The following LIMK2 variants were observed in gnomAD, a reference collection of about 807,000 sequenced individuals.
The protein encoded by LIMK2 is LIM domain kinase 2.
LIMK2 carries 35 observed loss-of-function variants against 75.7 expected under a neutral mutation model. The observed-to-expected ratio is 0.46, with a 90% CI of 0.35 to 0.61. The LOEUF is 0.61. Ranked by LOEUF, LIMK2 falls within the 20% of genes least tolerant of loss-of-function variation. LIMK2 has a pLI of 0.00. For missense variants in LIMK2, 623 were observed against 831.0 expected, an observed-to-expected ratio of 0.75 and a Z score of 3.08; for synonymous variants, 301 against 319.2, an observed-to-expected ratio of 0.94 and a Z score of 0.61.
rs2048354346 is a variant in LIMK2, at chr22:31,212,408, C to T, written c.-1C>T. 2 of 1,338,250 alleles carry T rather than the reference C, an allele frequency of 1.5e-6. No individual in the cohort carries two copies. Among genetic ancestry groups the T allele is most frequent in the Admixed American group, 2.9e-5 (1 of 34,532 alleles). The allele number at this position is 1,338,250 out of a possible 1,614,324, so 82.9% of individuals were successfully genotyped here. A position where few individuals can be genotyped will look rare whatever the true frequency, so the allele number is the denominator to read the frequency against. Reference sequence around the variant, plus strand: ...CTCCCCATTTCCGCGCTCCCGGGACCATGTCCGCGCTGGCGGGTAAGGAAG... The same window carrying T: ...CTCCCCATTTCCGCGCTCCCGGGACTATGTCCGCGCTGGCGGGTAAGGAAG... On this transcript the variant is annotated 5_prime_UTR_variant, in exon 1 of 16. Coordinates refer to ENST00000331728, the MANE Select transcript of LIMK2 (RefSeq NM_005569.4).
chr22:31,230,052 CTTTCT>C lies in LIMK2; in HGVS notation c.116+4237_116+4241del, dbSNP rs1221864388. ...TTTTCTTTTTTTTCTTTCTTTCTTT[CTTTCT>C]TTTTTTTTTTTTTTTTAGGCTAGTG... On this transcript the variant is annotated intron_variant, in intron 2 of 15. Coordinates refer to ENST00000331728, the MANE Select transcript of LIMK2 (RefSeq NM_005569.4). 1.5e-4 allele frequency: 19 copies of C among 123,374 alleles called. 1 individual carries two copies. In the East Asian group the frequency reaches 3.8e-3, roughly 24 times the overall value. The allele number at this position is 123,374 out of a possible 1,614,324, so 7.6% of individuals were successfully genotyped here.
At position 31,278,431 on chromosome 22, in the gene LIMK2, C is replaced by T. The variant is rs1378130835; in HGVS notation, c.1907C>T (p.Ser636Leu). Reference sequence around the variant, plus strand: ...ATGCAGTACGGCCTGACCCGGGACTCACCTCCCTAGCCCTGGCCCAGCCCC... The same window carrying T: ...ATGCAGTACGGCCTGACCCGGGACTTACCTCCCTAGCCCTGGCCCAGCCCC... The part of the protein sequence containing the change: ...VSMQYGLTRD[S>L]PP Residue 636 changes from serine (S) to leucine (L), a missense_variant, in exon 16 of 16, where the codon TCA becomes TTA. Ser to Leu is a moderately radical substitution (Grantham distance 145). Coordinates refer to ENST00000331728, the MANE Select transcript of LIMK2 (RefSeq NM_005569.4). 2 of 1,611,156 alleles carry T rather than the reference C, an allele frequency of 1.2e-6. No homozygotes were observed. The highest frequency in any genetic ancestry group is 1.1e-5 in the South Asian group (1 of 90,748).
chr22:31,239,725 G>A (rs2048608283), intron 2 of LIMK2, among the ~76,000 whole-genome samples: 1 of 152,168 alleles, frequency 6.6e-6, no homozygotes, highest in South Asian at 2.1e-4. Context: ...TCCAAGTGTG[G>A]AGCCGTATCT....
chr22:31,233,749 G>A (rs1190770473), intron 2 of LIMK2, among the ~76,000 whole-genome samples: 3 of 152,146 alleles, frequency 2.0e-5, no homozygotes, highest in Admixed American at 6.5e-5. Context: ...ATGTCATTGA[G>A]AGGCACCACC....
chr22:31,221,238 G>A (rs752924030), intron 1 of LIMK2, among the ~76,000 whole-genome samples: 1 of 152,142 alleles, frequency 6.6e-6, no homozygotes, highest in African/African-American at 2.4e-5. Flanking sequence ...TAGCCCTTTG[G>A]AGGTAGCAAA....
chr22:31,235,029 C>G (rs1487540087), intron 2 of LIMK2, among the ~76,000 whole-genome samples: 2 of 152,076 alleles, frequency 1.3e-5, no homozygotes, highest in African/African-American at 4.8e-5. Flanking sequence ...ATAGACCTTT[C>G]CTTTGAGGCT....
intron 2 of LIMK2, among the ~76,000 whole-genome samples, chr22:31,239,438 A>G (rs1451976341): frequency 2.0e-5 from 3 of 152,214 alleles, no homozygotes; most frequent in Non-Finnish European, 4.4e-5. Context: ...TCAGCGTTAT[A>G]TGAGCATACC....
chr22:31,278,699 T>G lies in LIMK2; in HGVS notation c.*258T>G. 2 of 318,396 alleles carry G rather than the reference T, an allele frequency of 6.3e-6. No individual in the cohort carries two copies. The allele number at this position is 318,396 out of a possible 1,614,324, so 19.7% of individuals were successfully genotyped here. A position where few individuals can be genotyped will look rare whatever the true frequency, so the allele number is the denominator to read the frequency against. Reference sequence around the variant, plus strand: ...AAGCTGTGAAGAAGAAAAAAACCCCTGGCCTTTGGGCCAGGAGGAATCTGT... The same window carrying G: ...AAGCTGTGAAGAAGAAAAAAACCCCGGGCCTTTGGGCCAGGAGGAATCTGT... On this transcript the variant is annotated 3_prime_UTR_variant, in exon 16 of 16. Coordinates refer to ENST00000331728, the MANE Select transcript of LIMK2 (RefSeq NM_005569.4).
At position 31,262,572 on chromosome 22, in the gene LIMK2, C is replaced by T. The variant is rs778519639; in HGVS notation, c.658-23C>T. The T allele has an allele frequency of 3.8e-6, 6 of 1,597,736 alleles. No individual in the cohort carries two copies. Among genetic ancestry groups the T allele is most frequent in the Non-Finnish European group, 5.1e-6 (6 of 1,169,592 alleles). On this transcript the variant is annotated intron_variant, in intron 6 of 15. Transcript: ENST00000331728. The surrounding 1 kb of genome is among the most constrained non-coding windows in gnomAD (Gnocchi z 5.0). Reference sequence around the variant, plus strand: ...CCTGGGATGGGGCAGCCTGTGGGAGCTTTATACTGCTCTTGGCCACAGGTG... The same window carrying T: ...CCTGGGATGGGGCAGCCTGTGGGAGTTTTATACTGCTCTTGGCCACAGGTG...
In LIMK2 at chr22:31,262,158, C is replaced by G. The variant is rs766874005; in HGVS notation, c.576C>G (p.Pro192=). 14 of 1,614,052 alleles carry G rather than the reference C, an allele frequency of 8.7e-6. No individual in the cohort carries two copies. The highest frequency in any genetic ancestry group is 1.2e-5 in the Non-Finnish European group (14 of 1,180,000). The stretch of plus-strand genomic sequence containing the variant: ...GGGTCAACCGGATGCACATCAGTCC[C>G]AACAATCGAAACGCCATCCACCCTG... The part of the protein sequence containing the change: ...VKEVNRMHIS[P]NNRNAIHPGD... The change falls in exon 6 of 16, where the codon CCC becomes CCG. Residue 192 remains proline, a synonymous_variant. Transcript: ENST00000331728. This position sits in a 1 kb window ranked among gnomAD's most constrained non-coding sequence, Gnocchi z 5.0.
At chr22:31,277,470 TGGTG>T (rs2049043140) in intron 15 of LIMK2, 2 of 1,117,810 alleles carry the variant, frequency 1.8e-6, no homozygotes, top group East Asian at 1.3e-4. Context: ...TGAAATTTTC[TGGTG>T]GGAGAATCTA....
Position 31,265,867 on chromosome 22 carries a change from C to G in LIMK2, c.855-79C>G, listed in dbSNP as rs953561102. 7 of 1,207,966 alleles carry G rather than the reference C, an allele frequency of 5.8e-6. No individual in the cohort carries two copies. In the African/African-American group the frequency reaches 1.1e-4, roughly 18 times the overall value. 74.8% of individuals were successfully genotyped at this position (1,207,966 alleles called of 1,614,324 possible). Reference sequence around the variant, plus strand: ...TAGACATTGGAATGAACAGGTGCCCCTAAGTTTCCTCCCTCCAGGGTTTCT... The same window carrying G: ...TAGACATTGGAATGAACAGGTGCCCGTAAGTTTCCTCCCTCCAGGGTTTCT... On this transcript the variant is annotated intron_variant, in intron 7 of 15. Coordinates refer to ENST00000331728, the MANE Select transcript of LIMK2 (RefSeq NM_005569.4).
rs376569162 is a variant in LIMK2, at chr22:31,262,214, C to T, written c.632C>T (p.Pro211Leu). The T allele has an allele frequency of 1.6e-5, 26 of 1,613,816 alleles. No homozygotes were observed. The highest frequency in any genetic ancestry group is 2.1e-5 in the Non-Finnish European group (25 of 1,179,780). ...CGCATCCTGGAGATCAATGGGACCC[C>T]CGTCCGCACACTTCGAGTGGAGGAG... ...GDRILEINGTPVRTLRVEEVE... is the reference protein window; with the variant it reads ...GDRILEINGTLVRTLRVEEVE... The change falls in exon 6 of 16, where the codon CCC (proline) becomes CTC (leucine). Residue 211 changes from proline (P) to leucine (L), a missense_variant. Transcript: ENST00000331728. This position sits in a 1 kb window ranked among gnomAD's most constrained non-coding sequence, Gnocchi z 5.0.
intron 3 of LIMK2, chr22:31,258,870 T>G: frequency 2.2e-6 from 1 of 459,064 alleles, no homozygotes; most frequent in Non-Finnish European, 4.0e-6. Context: ...ACTGATCTTT[T>G]TTAGTGGGGA....
At chr22:31,255,670 C>G (rs939655645) in intron 2 of LIMK2, among the ~76,000 whole-genome samples, 1 of 152,200 alleles carries the variant, frequency 6.6e-6, no homozygotes, top group Non-Finnish European at 1.5e-5. Flanking sequence ...TTCTCTTCCT[C>G]AACTCTTCAT....
intron 1 of LIMK2, chr22:31,222,749 G>A (rs889338395): frequency 1.3e-5 from 2 of 152,016 alleles, no homozygotes; most frequent in African/African-American, 4.8e-5. Context: ...AACTAAATTA[G>A]ATTTTAAAAC....
At chr22:31,217,237 A>G (rs1450183948) in intron 1 of LIMK2, among the ~76,000 whole-genome samples, 2 of 143,472 alleles carry the variant, frequency 1.4e-5, no homozygotes, top group Admixed American at 1.4e-4. Flanking sequence ...CATCTCTACT[A>G]AAATACAAAA....
intron 11 of LIMK2, 28 bp downstream of exon 11, chr22:31,268,228 A>C (rs577564870): frequency 6.3e-7 from 1 of 1,591,104 alleles, no homozygotes; most frequent in South Asian, 1.1e-5. Context: ...ACCTGCCAGC[A>C]GGGCGAGAGT....
chr22:31,277,519 C>G lies in LIMK2; in HGVS notation c.1773-778C>G, dbSNP rs148284356. The G allele has an allele frequency of 8.1e-5, 83 of 1,023,248 alleles. No individual in the cohort carries two copies. The African/African-American group carries it at 1.3e-3, about 16-fold the overall frequency. The allele number at this position is 1,023,248 out of a possible 1,614,324, so 63.4% of individuals were successfully genotyped here. The stretch of plus-strand genomic sequence containing the variant: ...CCTTTATAGGCCAAGGACCGCAGTC[C>G]TTCAGTAACACCAGTGTAAAAGCTT... On this transcript the variant is annotated intron_variant, in intron 15 of 15. Coordinates refer to ENST00000331728, the MANE Select transcript of LIMK2 (RefSeq NM_005569.4).
Sources: allele counts gnomAD v4.1 joint callset (sites outside exome capture counted in the v4.1 genomes callset), GRCh38; gene constraint gnomAD v4.1.1; non-coding constraint Gnocchi (gnomAD v3.1); transcripts MANE v1.5; gene names NCBI Gene and HGNC (gene_info 2026-07-23, HGNC 2026-07-21).